PPM1B: variants seen among roughly 807,000 people sequenced by gnomAD.
PPM1B encodes the protein protein phosphatase 1B.
A neutral mutation model predicts 43.0 loss-of-function variants in PPM1B; 22 were observed. That is an observed-to-expected ratio of 0.51 (90% CI 0.37 to 0.73). The LOEUF (loss-of-function observed/expected upper bound fraction) is 0.73, where lower values mean the gene tolerates loss of function less well. PPM1B is among the 30% of genes least tolerant of loss of function. The pLI is 0.00. For missense variants in PPM1B, 632 were observed against 584.2 expected (o/e 1.08, Z -0.84); for synonymous variants, 217 against 197.9 (o/e 1.10, Z -0.81).
intron 2 of PPM1B, among the ~76,000 whole-genome samples, chr2:44,207,267 G>A (rs1669233881): frequency 6.6e-6 from 1 of 152,122 alleles, no homozygotes; most frequent in African/African-American, 2.4e-5. Context: ...AGTCTGAACC[G>A]AGCCATGCCT....
intron 5 of PPM1B, among the ~76,000 whole-genome samples, chr2:44,227,872 C>T (rs1187693612): frequency 2.0e-5 from 3 of 151,338 alleles, no homozygotes; most frequent in Non-Finnish European, 2.9e-5. Flanking sequence ...ATCCCCACCA[C>T]CACCCCGTCT....
chr2:44,188,843 T>C (rs1558397385), intron 1 of PPM1B, among the ~76,000 whole-genome samples: 1 of 136,918 alleles, frequency 7.3e-6, no homozygotes, highest in Non-Finnish European at 1.6e-5. Flanking sequence ...CCTCCCGCTC[T>C]TTTCTTTCTT....
At chr2:44,189,071 C>T (rs1572698386) in intron 1 of PPM1B, among the ~76,000 whole-genome samples, 1 of 152,026 alleles carries the variant, frequency 6.6e-6, no homozygotes, top group Admixed American at 6.6e-5. Context: ...GAGGTTTCAC[C>T]ATATTGCCCA....
At chr2:44,218,147 A>T in intron 4 of PPM1B, 69 bp downstream of exon 4, 1 of 1,172,204 alleles carries the variant, frequency 8.5e-7, no homozygotes, top group Non-Finnish European at 1.3e-6. Flanking sequence ...GGGTAAAAAA[A>T]CTTAAATCAG....
intron 1 of PPM1B, among the ~76,000 whole-genome samples, chr2:44,177,490 C>G (rs1667636703): frequency 6.9e-6 from 1 of 145,080 alleles, no homozygotes; most frequent in Non-Finnish European, 1.5e-5. Context: ...ATGATCTCGG[C>G]TCACTGCAGC....
chr2:44,231,523 GT>G, downstream of PPM1B: 4 of 870,782 alleles, frequency 4.6e-6, no homozygotes, highest in Non-Finnish European at 5.5e-6. Context: ...ACCAAGTTTG[GT>G]ATATTGGAAG....
chr2:44,242,473 A>G (rs1670770761), intron 5 of PPM1B, among the ~76,000 whole-genome samples: 1 of 152,156 alleles, frequency 6.6e-6, no homozygotes, highest in Non-Finnish European at 1.5e-5. Flanking sequence ...CTAATTTTCC[A>G]TATGTTTGAA....
At chr2:44,185,567 T>G (rs1668080021) in intron 1 of PPM1B, among the ~76,000 whole-genome samples, 1 of 152,226 alleles carries the variant, frequency 6.6e-6, no homozygotes, top group South Asian at 2.1e-4. Flanking sequence ...GTTTGAAATT[T>G]CTAGCTGAGC....
intron 5 of PPM1B, among the ~76,000 whole-genome samples, chr2:44,228,386 C>T (rs1670319851): frequency 6.6e-6 from 1 of 152,024 alleles, no homozygotes; most frequent in Non-Finnish European, 1.5e-5. Flanking sequence ...GTTTCCCAGG[C>T]TGGCCTAGAA....
chr2:44,199,317 AT>A lies in PPM1B; in HGVS notation c.-14-1868del, dbSNP rs1283858819. The stretch of plus-strand genomic sequence containing the variant: ...CCTGTAGATCTCAAAAAAAAAAAAA[AT>A]AAAAATAAAAAAAAAAAAAATTGAG... On this transcript the variant is annotated intron_variant, in intron 1 of 5. Coordinates refer to ENST00000282412, the MANE Select transcript of PPM1B (RefSeq NM_002706.6). Among the ~76,000 whole-genome samples the A allele has an allele frequency of 8.4e-4, 83 of 98,306 alleles. 1 individual carries two copies. The highest frequency in any genetic ancestry group is 6.7e-3 in the East Asian group (25 of 3,742). The allele number at this position is 98,306 out of a possible 152,430, so 64.5% of individuals were successfully genotyped here.
intron 5 of PPM1B, among the ~76,000 whole-genome samples, chr2:44,219,995 A>T (rs965128984): frequency 3.3e-5 from 5 of 152,024 alleles, no homozygotes; most frequent in African/African-American, 1.2e-4. Flanking sequence ...TAAAAATCCA[A>T]ATATTTTATG....
intron 4 of PPM1B, 146 bp downstream of exon 4, chr2:44,218,224 C>A: frequency 1.4e-6 from 1 of 706,308 alleles, no homozygotes; most frequent in Non-Finnish European, 2.4e-6. Flanking sequence ...ACTCTTAAAA[C>A]TTCAACCAAA....
intron 2 of PPM1B, among the ~76,000 whole-genome samples, chr2:44,202,978 C>T (rs1669009647): frequency 6.6e-6 from 1 of 152,022 alleles, no homozygotes; most frequent in African/African-American, 2.4e-5. Flanking sequence ...CCTTTAGTTA[C>T]ATGAAATAAA....
intron 3 of PPM1B, among the ~76,000 whole-genome samples, chr2:44,209,687 G>A (rs1669365129): frequency 6.6e-6 from 1 of 151,414 alleles, no homozygotes; most frequent in Non-Finnish European, 1.5e-5. Context: ...TGAGGCAGGA[G>A]CATTGCTTGA....
At chr2:44,223,488 A>C (rs550243462) in intron 5 of PPM1B, among the ~76,000 whole-genome samples, 2 of 152,202 alleles carry the variant, frequency 1.3e-5, no homozygotes, top group South Asian at 4.2e-4. Context: ...CACTTGTCAA[A>C]GCATTGCTAT....
At chr2:44,223,281 G>A (rs1670055730) in intron 5 of PPM1B, among the ~76,000 whole-genome samples, 1 of 152,052 alleles carries the variant, frequency 6.6e-6, no homozygotes, top group South Asian at 2.1e-4. Context: ...TTAGAGAAGG[G>A]AAGGAAAAAC....
intron 3 of PPM1B, among the ~76,000 whole-genome samples, chr2:44,210,051 G>A (rs1669386149): frequency 1.3e-5 from 2 of 152,092 alleles, no homozygotes; most frequent in South Asian, 4.1e-4. Context: ...CCCTAACAGT[G>A]TCATGAAAAC....
chr2:44,233,367 GTGAT>G, downstream of PPM1B: 1 of 984,238 alleles, frequency 1.0e-6, no homozygotes, highest in Non-Finnish European at 1.2e-6. Context: ...ACGGTACAGA[GTGAT>G]TGTCACATAA....
downstream of PPM1B, among the ~76,000 whole-genome samples, chr2:44,235,788 A>C (rs996438371): frequency 6.6e-6 from 1 of 151,884 alleles, no homozygotes; most frequent in Non-Finnish European, 1.5e-5. Flanking sequence ...AGTCCCAGCT[A>C]GTTGGGAAAC....
Sources: gnomAD v4.1 joint callset for allele counts (sites outside exome capture counted in the v4.1 genomes callset) on GRCh38, gnomAD v4.1.1 for gene constraint, MANE v1.5 for transcripts, NCBI Gene and HGNC (gene_info 2026-07-23, HGNC 2026-07-21) for gene names.